SGK3: variants seen among roughly 807,000 people sequenced by gnomAD.
SGK3 encodes serum/glucocorticoid regulated kinase family member 3, also known as serine/threonine-protein kinase Sgk3.
A neutral mutation model predicts 68.5 loss-of-function variants in SGK3; 47 were observed. That is an observed-to-expected ratio of 0.69 (90% confidence interval 0.54 to 0.87). SGK3 has a LOEUF of 0.87. SGK3 is among the 40% of genes least tolerant of loss of function. The pLI, the probability that SGK3 is intolerant of heterozygous loss-of-function variation, is 0.00. For synonymous variants in SGK3, 181 were observed against 189.1 expected (o/e 0.96, Z 0.35); for missense variants, 479 against 575.5 (o/e 0.83, Z 1.72).
intron 1 of SGK3, among the ~76,000 whole-genome samples, chr8:66,752,497 C>G (rs1415777305): frequency 2.0e-5 from 3 of 151,706 alleles, no homozygotes; most frequent in Non-Finnish European, 4.4e-5. Flanking sequence ...GGAATACCCC[C>G]TATGTAGCAG....
In SGK3 at chr8:66,813,847, T is replaced by G; in HGVS notation, c.254-6T>G. ...ATAATCCTAATAGTTTATATCTCTC[T>G]TCCAGATTTTATTAAACAAAGACGA... is the stretch of plus-strand genomic sequence containing the variant. On this transcript the variant is annotated splice_region_variant and splice_polypyrimidine_tract_variant and intron_variant, in intron 4 of 16. Transcript: ENST00000521198. 1 of 1,572,370 alleles carries G rather than the reference T, an allele frequency of 6.4e-7. No individual in the cohort carries two copies. Among genetic ancestry groups the G allele is most frequent in the Non-Finnish European group, 8.6e-7 (1 of 1,161,220 alleles).
At chr8:66,759,672 T>C (rs1345918008) in intron 1 of SGK3, among the ~76,000 whole-genome samples, 1 of 152,028 alleles carries the variant, frequency 6.6e-6, no homozygotes, top group Non-Finnish European at 1.5e-5. Flanking sequence ...TTTGTTTGTT[T>C]GTTTGTTTGA....
chr8:66,833,474 T>A (rs1478467180), intron 8 of SGK3, among the ~76,000 whole-genome samples: 2 of 152,236 alleles, frequency 1.3e-5, no homozygotes, highest in East Asian at 3.8e-4. Context: ...AGACTATTCT[T>A]AGCCCTTTGC....
Position 66,746,945 on chromosome 8 carries a change from T to C in SGK3, c.-122+34112T>C, listed in dbSNP as rs558341409. Among the ~76,000 whole-genome samples the C allele has an allele frequency of 1.1e-4, 16 of 152,232 alleles. 1 individual carries two copies. In the East Asian group the frequency reaches 3.1e-3, roughly 29 times the overall value. On this transcript the variant is annotated intron_variant, in intron 1 of 16. Transcript: ENST00000521198. ...TTGACACCTAATTAGTCAACGTTAATGTATTTACAAAGATGAAATCCTGAT... is the reference window on the plus strand; with the variant it reads ...TTGACACCTAATTAGTCAACGTTAACGTATTTACAAAGATGAAATCCTGAT...
chr8:66,776,463 CATAA>C (rs1306968814), intron 1 of SGK3, among the ~76,000 whole-genome samples: 17 of 152,150 alleles, frequency 1.1e-4, no homozygotes, highest in African/African-American at 3.1e-4. Flanking sequence ...ACCCCCAATA[CATAA>C]ATAAACATCA....
intron 13 of SGK3, among the ~76,000 whole-genome samples, chr8:66,841,625 A>G (rs1249598875): frequency 2.6e-5 from 4 of 152,208 alleles, no homozygotes; most frequent in African/African-American, 7.2e-5. Context: ...TTAACACTTG[A>G]CTATATCTCA....
intron 1 of SGK3, among the ~76,000 whole-genome samples, chr8:66,770,359 A>AT (rs1292695819): frequency 6.6e-6 from 1 of 152,166 alleles, no homozygotes. Flanking sequence ...AGACATTGTG[A>AT]TTTTTTTCCT....
chr8:66,817,259 C>T (rs1808627867), intron 5 of SGK3, among the ~76,000 whole-genome samples: 1 of 151,944 alleles, frequency 6.6e-6, no homozygotes, highest in Non-Finnish European at 1.5e-5. Flanking sequence ...GGTGAAACTC[C>T]ATCTCTACTA....
intron 1 of SGK3, among the ~76,000 whole-genome samples, chr8:66,771,657 A>G (rs1217568833): frequency 4.6e-5 from 7 of 152,246 alleles, no homozygotes. Flanking sequence ...AAATTAAAAG[A>G]GGAAGCTCTC....
At chr8:66,718,449 ATGTGTGTGTGTG>A (rs34252246) in intron 1 of SGK3, among the ~76,000 whole-genome samples, 3,180 of 147,146 alleles carry the variant, frequency 0.022, 45 homozygotes, top group Non-Finnish European at 0.03. Context: ...TATATATATT[ATGTGTGTGTGTG>A]TGTGTGTGTG....
intron 4 of SGK3, among the ~76,000 whole-genome samples, chr8:66,805,995 G>C (rs538041473): frequency 6.6e-6 from 1 of 152,114 alleles, no homozygotes; most frequent in South Asian, 2.1e-4. Flanking sequence ...CACCATTAAC[G>C]GACTGCTCTT....
chr8:66,820,139 A>G (rs897236557), intron 5 of SGK3, among the ~76,000 whole-genome samples: 14 of 152,158 alleles, frequency 9.2e-5, no homozygotes, highest in Non-Finnish European at 1.8e-4. Flanking sequence ...TGTATTCACG[A>G]TGCTTTACAA....
chr8:66,769,566 A>G (rs1806439687), intron 1 of SGK3, among the ~76,000 whole-genome samples: 2 of 152,178 alleles, frequency 1.3e-5, no homozygotes, highest in African/African-American at 4.8e-5. Flanking sequence ...TTTCTACTGC[A>G]GTCTTCAAGT....
intron 3 of SGK3, among the ~76,000 whole-genome samples, chr8:66,799,062 A>G (rs1163366697): frequency 6.6e-6 from 1 of 152,222 alleles, no homozygotes; most frequent in African/African-American, 2.4e-5. Flanking sequence ...AGTAGCTAAC[A>G]CAATTGAAAT....
chr8:66,756,438 C>G (rs1013416525), intron 1 of SGK3, among the ~76,000 whole-genome samples: 3 of 152,102 alleles, frequency 2.0e-5, no homozygotes, highest in African/African-American at 7.2e-5. Flanking sequence ...CAAGGACTCA[C>G]TCCATCTATG....
At chr8:66,798,038 C>T (rs1041491349) in intron 2 of SGK3, among the ~76,000 whole-genome samples, 3 of 150,782 alleles carry the variant, frequency 2.0e-5, no homozygotes, top group South Asian at 2.1e-4. Context: ...GTCATGATCT[C>T]GCTTTGACAC....
intron 1 of SGK3, among the ~76,000 whole-genome samples, chr8:66,761,777 A>AG (rs1806170960): frequency 6.6e-6 from 1 of 152,182 alleles, no homozygotes; most frequent in Admixed American, 6.5e-5. Context: ...TAAAAAAAAA[A>AG]TAAATAATAA....
intron 13 of SGK3, 27 bp from the exon 14 acceptor site, chr8:66,843,425 G>T (rs1296905375): frequency 6.3e-7 from 1 of 1,592,312 alleles, no homozygotes; most frequent in East Asian, 2.2e-5. Flanking sequence ...TTACTGACTT[G>T]CTCTAATATT....
intron 1 of SGK3, among the ~76,000 whole-genome samples, chr8:66,735,465 A>C (rs1412024626): frequency 6.6e-6 from 1 of 152,160 alleles, no homozygotes; most frequent in Non-Finnish European, 1.5e-5. Flanking sequence ...TTAATGGTTA[A>C]ATTATAAAGC....
Sources: gnomAD v4.1 joint callset for allele counts (sites outside exome capture counted in the v4.1 genomes callset) on GRCh38, gnomAD v4.1.1 for gene constraint, MANE v1.5 for transcripts, NCBI Gene and HGNC (gene_info 2026-07-23, HGNC 2026-07-21) for gene names.